ADAM23: variants seen among roughly 807,000 people sequenced by gnomAD.
The protein encoded by ADAM23 is disintegrin and metalloproteinase domain-containing protein 23.
ADAM23 carries 33 observed loss-of-function variants against 120.1 expected under a neutral mutation model. That is an observed-to-expected ratio of 0.27 (90% CI 0.21 to 0.37). ADAM23 has a LOEUF of 0.37. ADAM23 is among the 10% of genes least tolerant of loss of function. The pLI, the probability that ADAM23 is intolerant of heterozygous loss-of-function variation, is 1.00. For synonymous variants in ADAM23, 367 were observed against 375.2 expected (o/e 0.98, Z 0.25); for missense variants, 862 against 1,058.2 (o/e 0.81, Z 2.57).
intron 4 of ADAM23, among the ~76,000 whole-genome samples, chr2:206,532,596 G>T (rs1348552039): frequency 2.0e-5 from 3 of 151,990 alleles, no homozygotes; most frequent in Non-Finnish European, 4.4e-5. Context: ...CTAACAGTCT[G>T]TTTTTTATGT....
chr2:206,488,574 C>T (rs1696063252), intron 3 of ADAM23, among the ~76,000 whole-genome samples: 1 of 152,132 alleles, frequency 6.6e-6, no homozygotes, highest in Admixed American at 6.5e-5. Flanking sequence ...AGAGAGTTAT[C>T]CCACCTAGAG....
At chr2:206,565,678 C>G (rs932120124) in intron 14 of ADAM23, among the ~76,000 whole-genome samples, 2 of 152,160 alleles carry the variant, frequency 1.3e-5, no homozygotes, top group Non-Finnish European at 2.9e-5. Flanking sequence ...CACAGGGACC[C>G]CTGCCTCATG....
chr2:206,554,123 C>T (rs962248978), intron 9 of ADAM23, among the ~76,000 whole-genome samples: 1 of 152,132 alleles, frequency 6.6e-6, no homozygotes, highest in Non-Finnish European at 1.5e-5. Context: ...ATTCTGCCTA[C>T]ATTTGCATTC....
intron 3 of ADAM23, among the ~76,000 whole-genome samples, chr2:206,489,691 G>A (rs563216144): frequency 8.5e-5 from 13 of 152,236 alleles, no homozygotes; most frequent in African/African-American, 2.4e-4. Flanking sequence ...AGTAACATGC[G>A]GGCTGGCGAG....
chr2:206,557,576 AT>A, intron 10 of ADAM23, 78 bp downstream of exon 10: 1 of 1,330,388 alleles, frequency 7.5e-7, no homozygotes, highest in Non-Finnish European at 1.1e-6. Context: ...TACTTTAGGT[AT>A]TTCTTGAACA....
intron 3 of ADAM23, among the ~76,000 whole-genome samples, chr2:206,527,582 GTGCTGATTTTGC>G (rs1199965794): frequency 6.6e-6 from 1 of 152,210 alleles, no homozygotes; most frequent in African/African-American, 2.4e-5. Context: ...TTGCACATTT[GTGCTGATTTTGC>G]TTAGTTTCAA....
At chr2:206,528,858 C>T (rs1203786618) in intron 3 of ADAM23, among the ~76,000 whole-genome samples, 1 of 152,148 alleles carries the variant, frequency 6.6e-6, no homozygotes, top group African/African-American at 2.4e-5. Flanking sequence ...TAGAGTGGGA[C>T]CTACTCTTGT....
chr2:206,476,866 C>T (rs1695786086), intron 2 of ADAM23, among the ~76,000 whole-genome samples: 1 of 152,028 alleles, frequency 6.6e-6, no homozygotes, highest in South Asian at 2.1e-4. Flanking sequence ...ATTTTCAGTT[C>T]CAGTTATGGG....
chr2:206,582,004 A>G (rs2105840580), intron 18 of ADAM23, among the ~76,000 whole-genome samples: 1 of 152,082 alleles, frequency 6.6e-6, no homozygotes, highest in South Asian at 2.1e-4. Context: ...CAGCCTCCCA[A>G]GTAGCTGGGA....
At chr2:206,548,484 T>A in intron 8 of ADAM23, 130 bp downstream of exon 8, 6 of 820,110 alleles carry the variant, frequency 7.3e-6, no homozygotes, top group South Asian at 4.0e-5. Context: ...ATGAAAACAA[T>A]AAACAAAAAA....
intron 3 of ADAM23, among the ~76,000 whole-genome samples, chr2:206,493,134 T>A (rs1026977528): frequency 6.6e-6 from 1 of 152,128 alleles, no homozygotes; most frequent in African/African-American, 2.4e-5. Context: ...TTTAGAACCA[T>A]TTTTTGGATG....
intron 3 of ADAM23, among the ~76,000 whole-genome samples, chr2:206,525,781 G>A (rs1275736649): frequency 6.6e-6 from 1 of 152,010 alleles, no homozygotes; most frequent in African/African-American, 2.4e-5. Flanking sequence ...TAGTACAGAT[G>A]GGGTTTCAGC....
In ADAM23 at chr2:206,617,732, G is replaced by A. The variant is rs1331373084; in HGVS notation, c.*105G>A. On this transcript the variant is annotated 3_prime_UTR_variant, in exon 26 of 26. Transcript: ENST00000264377. ...TTAAGTTTGTAAACAAAACCTTTGG[G>A]TGGTAATGACTACGGAGCTAAAGTT... 3 of 1,547,906 alleles carry A rather than the reference G, an allele frequency of 1.9e-6. No individual in the cohort carries two copies. The highest frequency in any genetic ancestry group is 1.2e-5 in the South Asian group (1 of 82,530).
chr2:206,475,379 A>G (rs946839327), intron 2 of ADAM23, among the ~76,000 whole-genome samples: 1 of 152,194 alleles, frequency 6.6e-6, no homozygotes, highest in African/African-American at 2.4e-5. Flanking sequence ...TGCATTATAC[A>G]GAAAAAGATT....
Position 206,477,894 on chromosome 2 carries a change from AAAAATAT to A in ADAM23, c.433-3336_433-3330del, listed in dbSNP as rs1484333293. 1.4e-3 allele frequency among the ~76,000 whole-genome samples: 159 copies of A among 116,740 alleles called. 2 individuals are homozygous for A. Among genetic ancestry groups the A allele is most frequent in the African/African-American group, 5.0e-3 (147 of 29,258 alleles). The allele number at this position is 116,740 out of a possible 152,430, so 76.6% of individuals were successfully genotyped here. Reference sequence around the variant, plus strand: ...CAATATTCTGTTAAAAAAAAAAAAAAAAAATATATATATATATATATATATATAAAAC... The same window carrying A: ...CAATATTCTGTTAAAAAAAAAAAAAAATATATATATATATATATATAAAAC... On this transcript the variant is annotated intron_variant, in intron 2 of 25. Coordinates refer to ENST00000264377, the MANE Select transcript of ADAM23 (RefSeq NM_003812.4).
At chr2:206,502,884 G>A (rs369067147) in intron 3 of ADAM23, among the ~76,000 whole-genome samples, 2 of 152,116 alleles carry the variant, frequency 1.3e-5, no homozygotes, top group Non-Finnish European at 2.9e-5. Flanking sequence ...ATATCTAACC[G>A]TGGTAGAGTA....
At chr2:206,605,651 C>G (rs1698714742) in intron 24 of ADAM23, 1 of 638,122 alleles carries the variant, frequency 1.6e-6, no homozygotes, top group African/African-American at 1.8e-5. Flanking sequence ...GTATGTAGAT[C>G]TTAATTTCAA....
chr2:206,444,097 G>A lies in ADAM23; in HGVS notation c.214+17G>A. ...CGCCCAGCGGTGGGTATGGCCCCGT[G>A]CCCTTTGCGTTGGCTTTCCCGCGGG... On this transcript the variant is annotated intron_variant, in intron 1 of 25. Transcript: ENST00000264377. The A allele has an allele frequency of 7.7e-7, 1 of 1,296,618 alleles. No homozygotes were observed. The highest frequency in any genetic ancestry group is 2.2e-5 in the South Asian group (1 of 44,488). 80.3% of individuals were successfully genotyped at this position (1,296,618 alleles called of 1,614,324 possible). A position where few individuals can be genotyped will look rare whatever the true frequency, so the allele number is the denominator to read the frequency against.
chr2:206,507,302 G>C (rs34321639), intron 3 of ADAM23, among the ~76,000 whole-genome samples: 43,769 of 151,914 alleles, frequency 0.29, 6,466 homozygotes, highest in Non-Finnish European at 0.32. Flanking sequence ...TGGAGCATGG[G>C]GGCAGACTTC....
Sources: allele counts gnomAD v4.1 joint callset (sites outside exome capture counted in the v4.1 genomes callset), GRCh38; gene constraint gnomAD v4.1.1; transcripts MANE v1.5; gene names NCBI Gene and HGNC (gene_info 2026-07-23, HGNC 2026-07-21).